The following AKR1C8 variants were observed in gnomAD, a reference collection of about 807,000 sequenced individuals.
The protein encoded by AKR1C8 is aldo-keto reductase family 1 member C-like protein 1.
chr10:5,164,018 T>C, the AKR1C8 span, among the ~76,000 whole-genome samples: 4 of 152,136 alleles, frequency 2.6e-5, no homozygotes, highest in Non-Finnish European at 4.4e-5. Flanking sequence ...TACAGTGGCT[T>C]CCAGTGGACA....
the AKR1C8 span, among the ~76,000 whole-genome samples, chr10:5,180,453 G>A: frequency 6.6e-6 from 1 of 152,190 alleles, no homozygotes; most frequent in Non-Finnish European, 1.5e-5. Context: ...GAGACAGTCT[G>A]CCTGTTCTCA....
At chr10:5,127,627 G>A in the AKR1C8 span, among the ~76,000 whole-genome samples, 12 of 150,460 alleles carry the variant, frequency 8.0e-5, no homozygotes, top group Admixed American at 1.3e-4. Flanking sequence ...CCTGAGTCAG[G>A]AGAATCGCTT....
At chr10:5,119,109 C>T in the AKR1C8 span, among the ~76,000 whole-genome samples, 1 of 152,152 alleles carries the variant, frequency 6.6e-6, no homozygotes, top group African/African-American at 2.4e-5. Flanking sequence ...CTCTACCAGA[C>T]TATAAACTCA....
the AKR1C8 span, among the ~76,000 whole-genome samples, chr10:5,153,527 T>C: frequency 3.9e-5 from 6 of 152,098 alleles, no homozygotes; most frequent in Non-Finnish European, 5.9e-5. Context: ...CTGGGTAACT[T>C]TTATAAAAGT....
chr10:5,160,950 C>T, the AKR1C8 span: 1 of 464,314 alleles, frequency 2.2e-6, no homozygotes, highest in African/African-American at 2.0e-5. Context: ...TTTCTGGTGC[C>T]TAAGGAGCTC....
chr10:5,161,030 T>A, the AKR1C8 span: 1 of 392,358 alleles, frequency 2.5e-6, no homozygotes, highest in Non-Finnish European at 5.0e-6. Context: ...TGTGCCTACA[T>A]TTGCATGCAC....
the AKR1C8 span, among the ~76,000 whole-genome samples, chr10:5,133,224 A>G: frequency 2.6e-5 from 4 of 151,934 alleles, no homozygotes; most frequent in African/African-American, 9.7e-5. Flanking sequence ...CGTCTCCCCA[A>G]ATAGCTAGGA....
the AKR1C8 span, among the ~76,000 whole-genome samples, chr10:5,145,268 T>C: frequency 3.9e-5 from 6 of 152,100 alleles, no homozygotes; most frequent in Non-Finnish European, 2.9e-5. Flanking sequence ...GGCAATACCA[T>C]TCAGGACATA....
the AKR1C8 span, among the ~76,000 whole-genome samples, chr10:5,144,961 G>T: frequency 1.3e-5 from 2 of 151,618 alleles, no homozygotes; most frequent in South Asian, 4.2e-4. Context: ...TTTTCAAAGG[G>T]AATGCTTCCA....
chr10:5,155,819 A>G, the AKR1C8 span: 1 of 427,668 alleles, frequency 2.3e-6, no homozygotes, highest in Non-Finnish European at 4.9e-6. Context: ...ACATGGGAAT[A>G]CAAGGACTTT....
chr10:5,155,751 C>T, the AKR1C8 span: 22 of 473,668 alleles, frequency 4.6e-5, no homozygotes, highest in African/African-American at 4.2e-4. Context: ...AACTCAAAGT[C>T]AAAAATCTGA....
At chr10:5,175,036 T>C in the AKR1C8 span, among the ~76,000 whole-genome samples, 1 of 152,066 alleles carries the variant, frequency 6.6e-6, no homozygotes, top group East Asian at 1.9e-4. Flanking sequence ...GTTACATATG[T>C]ATACATGTGC....
chr10:5,152,691 AACCTTT>A, the AKR1C8 span, among the ~76,000 whole-genome samples: 3 of 152,270 alleles, frequency 2.0e-5, no homozygotes, highest in Non-Finnish European at 4.4e-5. Flanking sequence ...GGTCAGAGAA[AACCTTT>A]TGCTTCTGGG....
At chr10:5,120,740 A>G in the AKR1C8 span, among the ~76,000 whole-genome samples, 1 of 152,184 alleles carries the variant, frequency 6.6e-6, no homozygotes, top group Non-Finnish European at 1.5e-5. Flanking sequence ...GTTTCACAAA[A>G]AGAAGAGAGA....
chr10:5,177,463 G>A, the AKR1C8 span, among the ~76,000 whole-genome samples: 16 of 152,042 alleles, frequency 1.1e-4, no homozygotes, highest in African/African-American at 2.7e-4. Flanking sequence ...GTCTCTGCCC[G>A]GCTTTGGTAT....
the AKR1C8 span, among the ~76,000 whole-genome samples, chr10:5,171,106 T>C: frequency 6.6e-6 from 1 of 152,160 alleles, no homozygotes; most frequent in African/African-American, 2.4e-5. Context: ...TTGATATTAA[T>C]TAACATTTTA....
chr10:5,160,441 A>G, the AKR1C8 span, among the ~76,000 whole-genome samples: 1,265 of 152,226 alleles, frequency 8.3e-3, 15 homozygotes, highest in African/African-American at 0.029. Flanking sequence ...ACTGTCCTGC[A>G]CCTTCCACCC....
chr10:5,159,821 T>C, the AKR1C8 span: 2 of 475,304 alleles, frequency 4.2e-6, no homozygotes, highest in African/African-American at 4.0e-5. Context: ...GGAGACATGA[T>C]TAAGCAGGAA....
the AKR1C8 span, among the ~76,000 whole-genome samples, chr10:5,153,940 T>C: frequency 6.6e-6 from 1 of 152,210 alleles, no homozygotes; most frequent in East Asian, 1.9e-4. Flanking sequence ...TATTTTTTAT[T>C]TTTCTAAAAT....
Sources: gnomAD v4.1 joint callset for allele counts (sites outside exome capture counted in the v4.1 genomes callset) on GRCh38, gnomAD v4.1.1 for gene constraint, MANE v1.5 for transcripts, NCBI Gene and HGNC (gene_info 2026-07-23, HGNC 2026-07-21) for gene names.